Variants in PALM2AKAP2 observed in about 807,000 individuals in gnomAD.
PALM2AKAP2 encodes the protein PALM2 and AKAP2 fusion, also known as PALM2-AKAP2 fusion protein.
A neutral mutation model predicts 71.5 loss-of-function variants in PALM2AKAP2; 37 were observed. That is an observed-to-expected ratio of 0.52 (90% CI 0.40 to 0.68). PALM2AKAP2 has a LOEUF of 0.68. Among genes scored for constraint, PALM2AKAP2 ranks in the 30% least tolerant of loss-of-function variants. PALM2AKAP2 has a pLI of 0.00. For missense variants in PALM2AKAP2, 1,224 were observed against 1,191.8 expected (o/e 1.03, Z -0.40); for synonymous variants, 468 against 478.8 (o/e 0.98, Z 0.29).
At chr9:109,758,404 A>G (rs1828999212) in intron 1 of PALM2AKAP2, among the ~76,000 whole-genome samples, 1 of 152,072 alleles carries the variant, frequency 6.6e-6, no homozygotes, top group African/African-American at 2.4e-5. Context: ...TGTAATTTTA[A>G]TAGACATTGC....
At chr9:109,778,233 T>C (rs137973361), upstream of PALM2AKAP2, among the ~76,000 whole-genome samples, 9 of 152,352 alleles carry the variant, frequency 5.9e-5, no homozygotes, top group East Asian at 1.7e-3. Flanking sequence ...CTCCATATCA[T>C]TGGCCAAGCC....
chr9:110,138,593 G>T lies in PALM2AKAP2; in HGVS notation c.2569+54G>T. Reference sequence around the variant, plus strand: ...GATGCCACAGCAGTCTGTTGTTGTTGATTCCAGCTCATGGGTTTCTATGTG... The same window carrying T: ...GATGCCACAGCAGTCTGTTGTTGTTTATTCCAGCTCATGGGTTTCTATGTG... On this transcript the variant is annotated intron_variant, in intron 2 of 3. Coordinates refer to ENST00000374525, the Ensembl canonical transcript of PALM2AKAP2. 4 of 1,495,232 alleles carry T rather than the reference G, an allele frequency of 2.7e-6. No homozygotes were observed. In the South Asian group the frequency reaches 5.5e-5, roughly 21 times the overall value. The allele number at this position is 1,495,232 out of a possible 1,614,324, so 92.6% of individuals were successfully genotyped here. A position where few individuals can be genotyped will look rare whatever the true frequency, so the allele number is the denominator to read the frequency against.
chr9:109,691,895 TATATATAC>T (rs1179788452), intron 1 of PALM2AKAP2, among the ~76,000 whole-genome samples: 1 of 60,988 alleles, frequency 1.6e-5, no homozygotes, highest in African/African-American at 6.6e-5. Context: ...TATATATATA[TATATATAC>T]ACACACACAT....
chr9:109,768,922 C>T (rs569887873), intron 1 of PALM2AKAP2, among the ~76,000 whole-genome samples: 1 of 152,044 alleles, frequency 6.6e-6, no homozygotes, highest in Non-Finnish European at 1.5e-5. Flanking sequence ...GAGTTTGAGA[C>T]CAGCCTGGGC....
chr9:110,098,610 G>A (rs1488795165), intron 1 of PALM2AKAP2, among the ~76,000 whole-genome samples: 1 of 151,930 alleles, frequency 6.6e-6, no homozygotes, highest in African/African-American at 2.4e-5. Context: ...GTGAGTGAAT[G>A]GCAGAGATAG....
chr9:109,930,160 A>G (rs956505303), intron 5 of PALM2AKAP2, among the ~76,000 whole-genome samples: 1 of 151,554 alleles, frequency 6.6e-6, no homozygotes, highest in Non-Finnish European at 1.5e-5. Context: ...GCCTCACTCC[A>G]CCCTAAGTCC....
At chr9:110,042,811 G>T (rs981013535) in intron 7 of PALM2AKAP2, among the ~76,000 whole-genome samples, 2 of 151,752 alleles carry the variant, frequency 1.3e-5, no homozygotes, top group African/African-American at 4.8e-5. Flanking sequence ...AATTTTTGTG[G>T]GTACATAGTA....
chr9:109,843,322 AAAG>A (rs1159459896), intron 1 of PALM2AKAP2, among the ~76,000 whole-genome samples: 4 of 150,766 alleles, frequency 2.7e-5, no homozygotes, highest in African/African-American at 7.3e-5. Flanking sequence ...AAAAAAAAAA[AAAG>A]AAGAAGACTT....
chr9:109,729,311 T>A (rs1162547600), intron 1 of PALM2AKAP2, among the ~76,000 whole-genome samples: 1 of 152,178 alleles, frequency 6.6e-6, no homozygotes, highest in East Asian at 1.9e-4. Context: ...GTACTTAAAA[T>A]GAATACACAA....
At chr9:110,123,297 C>G (rs1835530131) in intron 1 of PALM2AKAP2, among the ~76,000 whole-genome samples, 1 of 152,192 alleles carries the variant, frequency 6.6e-6, no homozygotes, top group African/African-American at 2.4e-5. Context: ...ACAAAATCCT[C>G]AGCAGAGTTG....
intron 1 of PALM2AKAP2, among the ~76,000 whole-genome samples, chr9:109,696,494 C>G (rs1488040660): frequency 4.6e-5 from 7 of 152,142 alleles, no homozygotes; most frequent in Non-Finnish European, 8.8e-5. Context: ...TGTTTTGGGT[C>G]AGAATGTAAA....
intron 1 of PALM2AKAP2, among the ~76,000 whole-genome samples, chr9:110,113,787 C>T (rs552750940): frequency 3.3e-5 from 5 of 152,294 alleles, no homozygotes; most frequent in Non-Finnish European, 7.3e-5. Flanking sequence ...CCTGCCTCGG[C>T]CTCCCAAAGT....
intron 6 of PALM2AKAP2, among the ~76,000 whole-genome samples, chr9:109,989,831 C>T (rs115582044): frequency 3.3e-3 from 498 of 152,320 alleles, no homozygotes; most frequent in African/African-American, 0.011. Flanking sequence ...CTCCACCATT[C>T]GCCACGTGGG....
intron 1 of PALM2AKAP2, among the ~76,000 whole-genome samples, chr9:109,783,504 G>T: frequency 6.6e-6 from 1 of 152,010 alleles, no homozygotes; most frequent in Non-Finnish European, 1.5e-5. Flanking sequence ...TCGCCATGTT[G>T]CCCAGGCTGG....
intron 1 of PALM2AKAP2, among the ~76,000 whole-genome samples, chr9:109,701,139 C>T (rs546106338): frequency 2.0e-5 from 3 of 151,956 alleles, no homozygotes; most frequent in Non-Finnish European, 2.9e-5. Flanking sequence ...TACAAGATAC[C>T]ACGGTTAGAA....
At chr9:109,961,231 A>G (rs752422508) in intron 6 of PALM2AKAP2, among the ~76,000 whole-genome samples, 1 of 152,244 alleles carries the variant, frequency 6.6e-6, no homozygotes, top group African/African-American at 2.4e-5. Flanking sequence ...CACATATATT[A>G]AACTTGCTGT....
At chr9:109,774,159 G>A (rs974504334) in intron 1 of PALM2AKAP2, among the ~76,000 whole-genome samples, 2 of 152,206 alleles carry the variant, frequency 1.3e-5, no homozygotes, top group African/African-American at 4.8e-5. Context: ...GCTACCAAAA[G>A]GGATTCCAAG....
chr9:109,697,521 T>C lies in PALM2AKAP2; in HGVS notation c.5+56655T>C, dbSNP rs542136248. On this transcript the variant is annotated intron_variant, in intron 1 of 6. Coordinates refer to the PALM2AKAP2 transcript ENST00000374531. ...TATTTCAACAGTGGTAAAAAAGCAT[T>C]AGTATTTTCAAATAGCTTCAGTGTT... Among the ~76,000 whole-genome samples, 3 of 152,286 alleles carry C rather than the reference T, an allele frequency of 2.0e-5. No homozygotes were observed. In the East Asian group the frequency reaches 5.8e-4, roughly 29 times the overall value.
At chr9:109,841,475 C>G (rs1828673216) in intron 1 of PALM2AKAP2, among the ~76,000 whole-genome samples, 1 of 118,956 alleles carries the variant, frequency 8.4e-6, no homozygotes, top group Non-Finnish European at 1.7e-5. Context: ...TGTAGCAAAC[C>G]TGCACGTTGT....
Sources: gnomAD v4.1 joint callset for allele counts (sites outside exome capture counted in the v4.1 genomes callset) on GRCh38, gnomAD v4.1.1 for gene constraint, MANE v1.5 for transcripts, NCBI Gene and HGNC (gene_info 2026-07-23, HGNC 2026-07-21) for gene names.